Variants in GRAMD2A observed in about 807,000 individuals in gnomAD.
The protein encoded by GRAMD2A is GRAM domain-containing protein 2A.
GRAMD2A carries 37 observed loss-of-function variants against 51.1 expected under a neutral mutation model. That is an observed-to-expected ratio of 0.72 (90% CI 0.56 to 0.95). The LOEUF is 0.95. Among genes scored for constraint, GRAMD2A ranks in the 40% least tolerant of loss-of-function variants. GRAMD2A has a pLI of 0.00. For synonymous variants in GRAMD2A, 136 were observed against 157.1 expected, an observed-to-expected ratio of 0.87 and a Z score of 1.01; for missense variants, 414 against 426.9, an observed-to-expected ratio of 0.97 and a Z score of 0.27.
At chr15:72,174,340 G>C (rs2081636272) in intron 1 of GRAMD2A, among the ~76,000 whole-genome samples, 2 of 152,130 alleles carry the variant, frequency 1.3e-5, no homozygotes, top group South Asian at 4.1e-4. Flanking sequence ...GGCTCAGCCT[G>C]GTCCCCCACC....
chr15:72,190,086 T>C (rs2081757557), intron 1 of GRAMD2A, among the ~76,000 whole-genome samples: 1 of 152,196 alleles, frequency 6.6e-6, no homozygotes, highest in Admixed American at 6.5e-5. Context: ...AAAGTTCTAA[T>C]AGTCAATTAG....
At chr15:72,172,619 G>A (rs937162166) in intron 1 of GRAMD2A, among the ~76,000 whole-genome samples, 8 of 150,886 alleles carry the variant, frequency 5.3e-5, no homozygotes, top group Non-Finnish European at 8.8e-5. Flanking sequence ...TAGCAGAGAT[G>A]GGGTTTCATC....
At chr15:72,186,427 C>T (rs1431197673) in intron 1 of GRAMD2A, among the ~76,000 whole-genome samples, 1 of 151,772 alleles carries the variant, frequency 6.6e-6, no homozygotes, top group Non-Finnish European at 1.5e-5. Flanking sequence ...TGGGTTCAAG[C>T]GATTCTCCCG....
intron 1 of GRAMD2A, among the ~76,000 whole-genome samples, chr15:72,183,899 C>T (rs545281840): frequency 1.3e-5 from 2 of 152,294 alleles, no homozygotes; most frequent in African/African-American, 4.8e-5. Flanking sequence ...TCCTTTTCTC[C>T]TGGGCCGGTG....
At chr15:72,188,846 C>T (rs1380614292) in intron 1 of GRAMD2A, among the ~76,000 whole-genome samples, 1 of 152,096 alleles carries the variant, frequency 6.6e-6, no homozygotes, top group African/African-American at 2.4e-5. Context: ...CCTCAGCCAG[C>T]TAAATTTTTG....
At chr15:72,185,300 T>C (rs2081727791) in intron 1 of GRAMD2A, among the ~76,000 whole-genome samples, 1 of 151,944 alleles carries the variant, frequency 6.6e-6, no homozygotes, top group East Asian at 1.9e-4. Flanking sequence ...TTCAAGCAAT[T>C]CTCCTGCCTC....
chr15:72,163,998 T>C (rs758299462), intron 8 of GRAMD2A: 7 of 448,484 alleles, frequency 1.6e-5, no homozygotes, highest in South Asian at 1.3e-4. Flanking sequence ...ACACTGCTAG[T>C]GTAGAACCAC....
intron 2 of GRAMD2A, 109 bp downstream of exon 2, chr15:72,169,738 G>T: frequency 1.1e-6 from 1 of 875,672 alleles, no homozygotes; most frequent in Non-Finnish European, 1.9e-6. Flanking sequence ...TCACAGACCT[G>T]CAAAGGGGCC....
At chr15:72,178,673 C>T (rs1292202057) in intron 1 of GRAMD2A, among the ~76,000 whole-genome samples, 3 of 137,178 alleles carry the variant, frequency 2.2e-5, no homozygotes, top group East Asian at 2.3e-4. Context: ...CCTCTGGGTT[C>T]GTGCCGTTCT....
intron 1 of GRAMD2A, among the ~76,000 whole-genome samples, chr15:72,171,003 C>A (rs1357426368): frequency 6.6e-6 from 1 of 152,188 alleles, no homozygotes; most frequent in Admixed American, 6.5e-5. Flanking sequence ...TCAGCCTCAC[C>A]CGCTCCCACC....
chr15:72,177,453 T>C (rs1007442522), intron 1 of GRAMD2A, among the ~76,000 whole-genome samples: 2 of 152,170 alleles, frequency 1.3e-5, no homozygotes, highest in Non-Finnish European at 2.9e-5. Context: ...CACCACAGAG[T>C]GCTTTTGCTG....
At chr15:72,164,275 T>C (rs887708393) in intron 8 of GRAMD2A, among the ~76,000 whole-genome samples, 1 of 152,168 alleles carries the variant, frequency 6.6e-6, no homozygotes, top group East Asian at 1.9e-4. Flanking sequence ...ACGCCATCCC[T>C]GCCCTAGAAA....
chr15:72,169,596 A>T (rs1289678591), intron 2 of GRAMD2A: 1 of 677,830 alleles, frequency 1.5e-6, no homozygotes, highest in South Asian at 1.5e-5. Context: ...TGCCTTGGCC[A>T]GGTTGGCCCA....
chr15:72,172,510 AGGTTCAAGT>A (rs903154235), intron 1 of GRAMD2A, among the ~76,000 whole-genome samples: 80 of 143,924 alleles, frequency 5.6e-4, no homozygotes, highest in African/African-American at 2.0e-3. Context: ...TCCGCCTCCC[AGGTTCAAGT>A]GATTCTCATG....
chr15:72,183,530 C>G (rs1471129018), intron 1 of GRAMD2A, among the ~76,000 whole-genome samples: 1 of 147,840 alleles, frequency 6.8e-6, no homozygotes, highest in Non-Finnish European at 1.5e-5. Context: ...AAAACAACAA[C>G]AACAACAACA....
intron 1 of GRAMD2A, among the ~76,000 whole-genome samples, chr15:72,196,711 C>T (rs1233898182): frequency 1.3e-5 from 2 of 152,038 alleles, no homozygotes; most frequent in African/African-American, 4.8e-5. Flanking sequence ...TCCCTAGGAG[C>T]CTGGCCCCTG....
At chr15:72,178,568 CTTT>C (rs537075334) in intron 1 of GRAMD2A, among the ~76,000 whole-genome samples, 1 of 84,200 alleles carries the variant, frequency 1.2e-5, no homozygotes, top group African/African-American at 4.7e-5. Flanking sequence ...CTTGCACTTT[CTTT>C]TTTTTTTTTT....
At chr15:72,189,357 AC>A (rs530685198) in intron 1 of GRAMD2A, among the ~76,000 whole-genome samples, 92 of 152,366 alleles carry the variant, frequency 6.0e-4, no homozygotes, top group African/African-American at 2.2e-3. Context: ...ATGCAGAGAC[AC>A]AAATGAGTGC....
chr15:72,196,218 A>T lies in GRAMD2A; in HGVS notation c.41+1513T>A, dbSNP rs115917946. 7.8e-3 allele frequency among the ~76,000 whole-genome samples: 1,192 copies of T among 152,228 alleles called. 13 individuals are homozygous for T. The highest frequency in any genetic ancestry group is 0.027 in the African/African-American group (1,134 of 41,534). ...CTCCAGCCAGCCTGATCAGAAGACT[A>T]TGGAGGGGGCCAGGCACGTGGCTCA... is the stretch of plus-strand genomic sequence containing the variant. On this transcript the variant is annotated intron_variant, in intron 1 of 11. Transcript: ENST00000309731.
Sources: allele counts gnomAD v4.1 joint callset (sites outside exome capture counted in the v4.1 genomes callset), GRCh38; gene constraint gnomAD v4.1.1; transcripts MANE v1.5; gene names NCBI Gene and HGNC (gene_info 2026-07-23, HGNC 2026-07-21).